Variants in BCAS1 observed in about 807,000 individuals in gnomAD.
BCAS1 encodes brain enriched myelin associated protein 1, also known as breast carcinoma-amplified sequence 1.
BCAS1 carries 46 observed loss-of-function variants against 65.4 expected under a neutral mutation model. The observed-to-expected ratio is 0.70, with a 90% confidence interval of 0.55 to 0.90. BCAS1 has a LOEUF of 0.90. BCAS1 is among the 40% of genes least tolerant of loss of function. The pLI, the probability that BCAS1 is intolerant of heterozygous loss-of-function variation, is 0.00. For synonymous variants in BCAS1, 298 were observed against 293.5 expected (o/e 1.02, Z -0.16); for missense variants, 793 against 771.2 (o/e 1.03, Z -0.33).
intron 10 of BCAS1, among the ~76,000 whole-genome samples, chr20:53,962,057 T>C (rs753020280): frequency 7.2e-5 from 11 of 152,196 alleles, no homozygotes; most frequent in Non-Finnish European, 1.5e-4. Flanking sequence ...GGAATGCAAG[T>C]CATTGGTAGG....
intron 10 of BCAS1, among the ~76,000 whole-genome samples, chr20:53,961,982 CATT>C (rs34729869): frequency 0.036 from 5,454 of 152,272 alleles, 148 homozygotes; most frequent in African/African-American, 0.069. Flanking sequence ...CGGTAGCTCT[CATT>C]GTTGTTACTG....
At chr20:54,002,051 T>C (rs910996528) in intron 4 of BCAS1, among the ~76,000 whole-genome samples, 5 of 151,510 alleles carry the variant, frequency 3.3e-5, no homozygotes, top group Non-Finnish European at 7.4e-5. Flanking sequence ...TTTTTTTTTT[T>C]CCCCCTTCAG....
chr20:53,950,834 C>T (rs1424374394), intron 12 of BCAS1, among the ~76,000 whole-genome samples: 2 of 151,648 alleles, frequency 1.3e-5, no homozygotes, highest in African/African-American at 4.9e-5. Flanking sequence ...CAACCCTAGT[C>T]ATGCAACTAG....
intron 4 of BCAS1, among the ~76,000 whole-genome samples, chr20:54,009,719 A>C (rs939622664): frequency 1.3e-5 from 2 of 152,190 alleles, no homozygotes; most frequent in African/African-American, 4.8e-5. Context: ...TTATTTTATA[A>C]AGATAGTTAC....
intron 3 of BCAS1, among the ~76,000 whole-genome samples, chr20:54,046,045 A>G (rs929941469): frequency 3.0e-4 from 46 of 152,242 alleles, no homozygotes; most frequent in African/African-American, 1.0e-3. Flanking sequence ...CAAAACAACA[A>G]TAACAGAAAA....
At chr20:54,050,827 G>A (rs2092199307) in intron 3 of BCAS1, among the ~76,000 whole-genome samples, 1 of 152,112 alleles carries the variant, frequency 6.6e-6, no homozygotes, top group Non-Finnish European at 1.5e-5. Flanking sequence ...TTTTGTTATT[G>A]AAGAACAAAT....
Position 54,058,738 on chromosome 20 carries a change from A to T in BCAS1, c.-5-15T>A. Reference sequence around the variant, plus strand: ...ACCCATTGCTCCTATAATGGAGAGAAAGAGAGGAAGAGAGAAAGAAATCAA... The same window carrying T: ...ACCCATTGCTCCTATAATGGAGAGATAGAGAGGAAGAGAGAAAGAAATCAA... On this transcript the variant is annotated splice_polypyrimidine_tract_variant and intron_variant, in intron 1 of 12. Transcript: ENST00000688948. The T allele has an allele frequency of 6.2e-7, 1 of 1,606,596 alleles. No individual in the cohort carries two copies.
At chr20:53,969,345 T>C (rs925255756) in intron 9 of BCAS1, among the ~76,000 whole-genome samples, 2 of 152,172 alleles carry the variant, frequency 1.3e-5, no homozygotes, top group Non-Finnish European at 2.9e-5. Flanking sequence ...TTAGGCACCA[T>C]GCACATATCC....
At chr20:54,016,278 C>T (rs2091436481) in intron 4 of BCAS1, among the ~76,000 whole-genome samples, 2 of 151,920 alleles carry the variant, frequency 1.3e-5, no homozygotes, top group Admixed American at 1.3e-4. Context: ...TTTTAAAGCC[C>T]CATGCATAAA....
At chr20:53,975,319 A>C in intron 9 of BCAS1, 70 bp downstream of exon 9, 1 of 1,444,684 alleles carries the variant, frequency 6.9e-7, no homozygotes, top group Non-Finnish European at 9.7e-7. Flanking sequence ...CCCAGAGCTG[A>C]AAATGCCCAA....
chr20:54,069,589 T>C (rs984612889), intron 1 of BCAS1, among the ~76,000 whole-genome samples: 3 of 152,178 alleles, frequency 2.0e-5, no homozygotes, highest in African/African-American at 7.2e-5. Context: ...TTCACCCAGC[T>C]TCATGTTCCT....
intron 4 of BCAS1, among the ~76,000 whole-genome samples, chr20:54,001,778 T>A (rs1846414896): frequency 6.6e-6 from 1 of 152,226 alleles, no homozygotes; most frequent in African/African-American, 2.4e-5. Flanking sequence ...TGGCTCTATG[T>A]GTAGTAAACT....
At chr20:54,019,109 A>C (rs1421702512) in intron 4 of BCAS1, among the ~76,000 whole-genome samples, 2 of 152,224 alleles carry the variant, frequency 1.3e-5, no homozygotes, top group African/African-American at 4.8e-5. Flanking sequence ...CCTTCTACAG[A>C]TGGCTAGTTT....
chr20:54,054,763 G>A (rs1034120086), intron 3 of BCAS1, among the ~76,000 whole-genome samples: 5 of 152,174 alleles, frequency 3.3e-5, no homozygotes, highest in South Asian at 2.1e-4. Flanking sequence ...CTTTTCCCTC[G>A]TCATGTGCAG....
chr20:54,066,077 C>CT (rs11372357), intron 1 of BCAS1, among the ~76,000 whole-genome samples: 6,544 of 116,514 alleles, frequency 0.056, 444 homozygotes, highest in African/African-American at 0.16. Flanking sequence ...TATTTTTTTT[C>CT]TTTTTTTTTT....
At chr20:54,034,544 AAG>A (rs2091862029) in intron 3 of BCAS1, among the ~76,000 whole-genome samples, 1 of 151,186 alleles carries the variant, frequency 6.6e-6, no homozygotes, top group Non-Finnish European at 1.5e-5. Context: ...TCGCCACAAA[AAG>A]AGTAAAATAC....
chr20:54,002,999 C>T (rs924264557), intron 4 of BCAS1, among the ~76,000 whole-genome samples: 1 of 152,068 alleles, frequency 6.6e-6, no homozygotes, highest in Non-Finnish European at 1.5e-5. Context: ...ATAAAAGTTC[C>T]AGTGCCTGAC....
In BCAS1 at chr20:53,975,329, A is replaced by G. The variant is rs192400221; in HGVS notation, c.1317+60T>C. ...AGGACCCCAGAGCTGAAAATGCCCA[A>G]TTGTACAACATGGCGGAAGATGAGA... is the stretch of plus-strand genomic sequence containing the variant. On this transcript the variant is annotated intron_variant, in intron 9 of 12. Transcript: ENST00000688948. The G allele has an allele frequency of 7.0e-5, 107 of 1,518,492 alleles. No individual in the cohort carries two copies. In the African/African-American group the frequency reaches 1.4e-3, roughly 20 times the overall value. The allele number at this position is 1,518,492 out of a possible 1,614,324, so 94.1% of individuals were successfully genotyped here.
rs572237021 is a variant in BCAS1, at chr20:53,973,853, AT to A, written c.1317+1535del. Among the ~76,000 whole-genome samples the A allele has an allele frequency of 1.5e-4, 23 of 152,302 alleles. No individual in the cohort carries two copies. In the East Asian group the frequency reaches 4.4e-3, roughly 29 times the overall value. ...GAAGGGCAGTAAAACCAACAAACAG[AT>A]TTTGAGAGGTGAAGCCAGCTGGATG... is the stretch of plus-strand genomic sequence containing the variant. On this transcript the variant is annotated intron_variant, in intron 9 of 12. Transcript: ENST00000688948.
Sources: gnomAD v4.1 joint callset for allele counts (sites outside exome capture counted in the v4.1 genomes callset) on GRCh38, gnomAD v4.1.1 for gene constraint, MANE v1.5 for transcripts, NCBI Gene and HGNC (gene_info 2026-07-23, HGNC 2026-07-21) for gene names.